Variants in EXOSC7 observed in about 807,000 individuals in gnomAD.
The protein encoded by EXOSC7 is exosome complex component RRP42.
Under a neutral mutation model 34.3 loss-of-function variants are expected in EXOSC7, and 25 were observed. That is an observed-to-expected ratio of 0.73 (90% confidence interval 0.53 to 1.02). EXOSC7 has a LOEUF of 1.02. Ranked by LOEUF, EXOSC7 falls within the 50% of genes least tolerant of loss-of-function variation. EXOSC7 has a pLI of 0.00. For missense variants in EXOSC7, 370 were observed against 368.5 expected (o/e 1.00, Z -0.03); for synonymous variants, 130 against 143.0 (o/e 0.91, Z 0.65).
At chr3:45,007,737 C>A (rs556166053) in intron 7 of EXOSC7, among the ~76,000 whole-genome samples, 162 bp downstream of exon 7, 1 of 152,242 alleles carries the variant, frequency 6.6e-6, no homozygotes, top group South Asian at 2.1e-4. Context: ...CTGACCTAAT[C>A]AAGGGGGGTT....
rs1706998143 is a variant in EXOSC7, at chr3:45,005,176, G to A, written c.492-115G>A. 4 of 1,180,450 alleles carry A rather than the reference G, an allele frequency of 3.4e-6. No individual in the cohort carries two copies. The South Asian group carries it at 4.1e-5, about 12-fold the overall frequency. 73.1% of individuals were successfully genotyped at this position (1,180,450 alleles called of 1,614,324 possible). On this transcript the variant is annotated intron_variant, in intron 5 of 7. Transcript: ENST00000265564. The stretch of plus-strand genomic sequence containing the variant: ...CAGGGATGAGGATGATAAAGAATAG[G>A]CATAGCGTGTCTTTCTCTTGTGAGA...
intron 4 of EXOSC7, among the ~76,000 whole-genome samples, chr3:45,000,574 A>C (rs902514055): frequency 6.6e-6 from 1 of 152,232 alleles, no homozygotes; most frequent in Non-Finnish European, 1.5e-5. Context: ...ACGTAAGTGC[A>C]CTCAACACTT....
intron 3 of EXOSC7, among the ~76,000 whole-genome samples, chr3:44,992,123 A>G (rs1706590563): frequency 6.6e-6 from 1 of 152,162 alleles, no homozygotes; most frequent in South Asian, 2.1e-4. Flanking sequence ...GCTTCTGGAC[A>G]CCCGTGGATG....
At chr3:45,005,189 T>C in intron 5 of EXOSC7, 102 bp from the exon 6 acceptor site, 1 of 1,377,088 alleles carries the variant, frequency 7.3e-7, no homozygotes, top group Non-Finnish European at 1.0e-6. Flanking sequence ...TAGCGTGTCT[T>C]TCTCTTGTGA....
intron 5 of EXOSC7, among the ~76,000 whole-genome samples, chr3:45,003,885 A>C (rs1261401373): frequency 6.6e-6 from 1 of 152,142 alleles, no homozygotes; most frequent in Non-Finnish European, 1.5e-5. Context: ...TTGTGTTTTG[A>C]GAGATCTGTG....
Position 45,007,460 on chromosome 3 carries a change from A to T in EXOSC7, c.656A>T (p.Glu219Val), listed in dbSNP as rs1469579550. 1 of 1,614,150 alleles carries T rather than the reference A, an allele frequency of 6.2e-7. No individual in the cohort carries two copies. Among genetic ancestry groups the T allele is most frequent in the Admixed American group, 1.7e-5 (1 of 60,020 alleles). Residue 219 changes from glutamate (E) to valine (V), a missense_variant, in exon 7 of 8, where the codon GAG becomes GTG. This residue lies in a region of EXOSC7 where 255 missense variants were observed against 246.4 expected (regional missense o/e 1.03). Transcript: ENST00000265564. ...RHVVDATLQE[E>V]ACSLASLLVS... Reference sequence around the variant, plus strand: ...GTGGTGGATGCTACTCTTCAGGAGGAGGCCTGCTCGCTGGCCAGCTTGCTG... The same window carrying T: ...GTGGTGGATGCTACTCTTCAGGAGGTGGCCTGCTCGCTGGCCAGCTTGCTG...
At chr3:44,992,919 C>T (rs4683017) in intron 3 of EXOSC7, among the ~76,000 whole-genome samples, 91,251 of 152,064 alleles carry the variant, frequency 0.6, 28,180 homozygotes, top group East Asian at 0.89. Context: ...CAGAATACTC[C>T]GCACTTGTCA....
chr3:44,989,651 A>G lies in EXOSC7; in HGVS notation c.254+7A>G. The G allele has an allele frequency of 6.3e-7, 1 of 1,580,122 alleles. No homozygotes were observed. Among genetic ancestry groups the G allele is most frequent in the Non-Finnish European group, 8.7e-7 (1 of 1,149,350 alleles). On this transcript the variant is annotated splice_region_variant and intron_variant, in intron 3 of 7. Transcript: ENST00000265564. ...TGGAGTTCTTTGTTGACTGGTCAGTACTGTCTATGCAGATATTTCTAAAGA... is the reference window on the plus strand; with the variant it reads ...TGGAGTTCTTTGTTGACTGGTCAGTGCTGTCTATGCAGATATTTCTAAAGA...
intron 5 of EXOSC7, among the ~76,000 whole-genome samples, chr3:45,003,710 CAG>C (rs1457869432): frequency 2.6e-5 from 4 of 152,170 alleles, no homozygotes; most frequent in Admixed American, 6.5e-5. Flanking sequence ...GCTGAAGAAA[CAG>C]AATGTTGCCA....
At chr3:45,007,614 CG>C (rs1707089908) in intron 7 of EXOSC7, 39 bp downstream of exon 7, 3 of 1,542,408 alleles carry the variant, frequency 1.9e-6, no homozygotes, top group Non-Finnish European at 2.6e-6. Context: ...GGGACCTGGC[CG>C]GGGTGCCTGC....
At chr3:44,994,317 G>A (rs1706657549) in intron 3 of EXOSC7, among the ~76,000 whole-genome samples, 1 of 150,178 alleles carries the variant, frequency 6.7e-6, no homozygotes, top group African/African-American at 2.4e-5. Context: ...GGGTTTCACA[G>A]TGTCATCCCA....
chr3:44,985,586 C>T (rs910826960), intron 1 of EXOSC7, among the ~76,000 whole-genome samples: 3 of 151,932 alleles, frequency 2.0e-5, no homozygotes, highest in East Asian at 1.9e-4. Flanking sequence ...TTCGTGGTCT[C>T]GCTGGCTTCA....
At chr3:44,992,461 A>G (rs1414984129) in intron 3 of EXOSC7, among the ~76,000 whole-genome samples, 1 of 152,224 alleles carries the variant, frequency 6.6e-6, no homozygotes, top group Non-Finnish European at 1.5e-5. Flanking sequence ...TGGAGCCAAG[A>G]TAGACACTGT....
At chr3:44,994,206 C>G (rs1171890768) in intron 3 of EXOSC7, among the ~76,000 whole-genome samples, 4 of 150,246 alleles carry the variant, frequency 2.7e-5, no homozygotes. Flanking sequence ...GTTAATACAC[C>G]TAAAGTACTA....
At chr3:44,994,245 T>TAA (rs76598308) in intron 3 of EXOSC7, among the ~76,000 whole-genome samples, 8 of 137,080 alleles carry the variant, frequency 5.8e-5, no homozygotes, top group Non-Finnish European at 9.4e-5. Context: ...TGCTAAACAT[T>TAA]AAAAAAAAAA....
intron 1 of EXOSC7, chr3:44,977,207 C>A (rs1338303365): frequency 1.3e-5 from 2 of 152,332 alleles, no homozygotes; most frequent in East Asian, 3.8e-4. Context: ...TAACGAGCTA[C>A]CCTGTATCCT....
intron 1 of EXOSC7, among the ~76,000 whole-genome samples, chr3:44,982,173 T>C (rs191654760): frequency 2.6e-4 from 40 of 152,342 alleles, no homozygotes; most frequent in Non-Finnish European, 2.2e-4. Flanking sequence ...TGTCAGCTCC[T>C]CTTTAACTCC....
At chr3:44,994,678 A>G (rs1706667087) in intron 3 of EXOSC7, among the ~76,000 whole-genome samples, 2 of 151,894 alleles carry the variant, frequency 1.3e-5, no homozygotes, top group Admixed American at 6.6e-5. Flanking sequence ...TGGCTTTCTT[A>G]TGTTGCTTAA....
At chr3:45,011,096 T>TA (rs1371329183) in intron 7 of EXOSC7, 139 bp from the exon 8 acceptor site, 3 of 435,820 alleles carry the variant, frequency 6.9e-6, no homozygotes, top group African/African-American at 6.1e-5. Flanking sequence ...TAATTTGCTT[T>TA]AATTAAATAA....
Sources: gnomAD v4.1 joint callset for allele counts (sites outside exome capture counted in the v4.1 genomes callset) on GRCh38, gnomAD v4.1.1 for gene constraint, gnomAD v4.1.1 regional missense constraint, MANE v1.5 for transcripts, NCBI Gene and HGNC (gene_info 2026-07-23, HGNC 2026-07-21) for gene names.